The following CUL1 variants were observed in gnomAD, a reference collection of about 807,000 sequenced individuals.
CUL1 encodes cullin-1.
In CUL1, 24 loss-of-function variants were observed where a neutral mutation model predicts 118.0. That is an observed-to-expected ratio of 0.20 (90% CI 0.15 to 0.29). The LOEUF (loss-of-function observed/expected upper bound fraction) is 0.29. CUL1 is among the 10% of genes least tolerant of loss of function. The pLI, the probability that CUL1 is intolerant of heterozygous loss-of-function variation, is 1.00. For missense variants in CUL1, 361 were observed against 933.8 expected (o/e 0.39, Z 7.99); for synonymous variants, 332 against 340.4 (o/e 0.98, Z 0.27).
At chr7:148,708,680 G>GT (rs1317207309) in intron 1 of CUL1, among the ~76,000 whole-genome samples, 2 of 152,194 alleles carry the variant, frequency 1.3e-5, no homozygotes, top group African/African-American at 4.8e-5. Context: ...AAATCTAGCT[G>GT]TGTGTATCAT....
Position 148,787,260 on chromosome 7 carries a change from A to G in CUL1, c.1479+140A>G. Reference sequence around the variant, plus strand: ...GGCAGATCACGAGGTCAGGAGATCGAGACCATCCTGGCTAATATGGAGAAA... The same window carrying G: ...GGCAGATCACGAGGTCAGGAGATCGGGACCATCCTGGCTAATATGGAGAAA... On this transcript the variant is annotated intron_variant, in intron 13 of 21. Coordinates refer to ENST00000325222, the MANE Select transcript of CUL1 (RefSeq NM_003592.3). The surrounding 1 kb of genome is among the most constrained non-coding windows in gnomAD (Gnocchi z 5.5). 1 of 733,886 alleles carries G rather than the reference A, an allele frequency of 1.4e-6. No homozygotes were observed. Among genetic ancestry groups the G allele is most frequent in the Non-Finnish European group, 2.2e-6 (1 of 461,168 alleles). The allele number at this position is 733,886 out of a possible 1,614,324, so 45.5% of individuals were successfully genotyped here.
chr7:148,775,291 A>G (rs1172163824), intron 9 of CUL1, among the ~76,000 whole-genome samples: 1 of 152,206 alleles, frequency 6.6e-6, no homozygotes, highest in Non-Finnish European at 1.5e-5. Context: ...AAAATTAGCT[A>G]CAGAACCTTA....
intron 9 of CUL1, among the ~76,000 whole-genome samples, chr7:148,772,968 T>C (rs758586877): frequency 6.6e-6 from 1 of 152,024 alleles, no homozygotes; most frequent in Non-Finnish European, 1.5e-5. Context: ...TCTTACTGTT[T>C]TCTATGCATT....
chr7:148,773,618 G>C (rs13242508), intron 9 of CUL1, among the ~76,000 whole-genome samples: 1 of 152,154 alleles, frequency 6.6e-6, no homozygotes, highest in Non-Finnish European at 1.5e-5. Context: ...GTCTGCTGCA[G>C]GGCTGCCGTC....
intron 1 of CUL1, among the ~76,000 whole-genome samples, chr7:148,725,873 T>A (rs1391394867): frequency 6.6e-6 from 1 of 152,234 alleles, no homozygotes; most frequent in Non-Finnish European, 1.5e-5. Context: ...CACTTAAGTA[T>A]GAATTTTTGA....
chr7:148,776,141 C>CA (rs1234180915), intron 9 of CUL1, among the ~76,000 whole-genome samples: 1 of 148,486 alleles, frequency 6.7e-6, no homozygotes, highest in East Asian at 2.0e-4. Context: ...ACACCTCTAC[C>CA]GAGTGTTACT....
chr7:148,787,827 G>A lies in CUL1; in HGVS notation c.1479+707G>A, dbSNP rs539358600. ...GCCCTTCCTCTGCCACCTCCTTTGC[G>A]TGCCTGTGTGTCGGCGCTGTCGAGT... On this transcript the variant is annotated intron_variant, in intron 13 of 21. Coordinates refer to ENST00000325222, the MANE Select transcript of CUL1 (RefSeq NM_003592.3). This position sits in a 1 kb window ranked among gnomAD's most constrained non-coding sequence, Gnocchi z 5.5. Among the ~76,000 whole-genome samples, 2 of 152,176 alleles carry A rather than the reference G, an allele frequency of 1.3e-5. No homozygotes were observed. Among genetic ancestry groups the A allele is most frequent in the Admixed American group, 1.3e-4 (2 of 15,278 alleles).
intron 9 of CUL1, among the ~76,000 whole-genome samples, chr7:148,772,907 T>C (rs1563165245): frequency 6.6e-6 from 1 of 152,106 alleles, no homozygotes; most frequent in Non-Finnish European, 1.5e-5. Flanking sequence ...TGTCTCCTCC[T>C]CTGTCTTCTG....
chr7:148,775,150 T>TACA (rs1800355685), intron 9 of CUL1, among the ~76,000 whole-genome samples: 2 of 152,196 alleles, frequency 1.3e-5, no homozygotes, highest in Non-Finnish European at 2.9e-5. Context: ...TTCTGGTAGA[T>TACA]TTGAGTTTGG....
chr7:148,748,545 G>A (rs1799376024), intron 2 of CUL1, among the ~76,000 whole-genome samples: 1 of 152,238 alleles, frequency 6.6e-6, no homozygotes, highest in Admixed American at 6.5e-5. Flanking sequence ...AGAATTATAA[G>A]ATAAATTGAT....
At chr7:148,724,438 TGTGTGTGTCTGCACGC>T (rs1184271592) in intron 1 of CUL1, among the ~76,000 whole-genome samples, 1 of 152,206 alleles carries the variant, frequency 6.6e-6, no homozygotes, top group Non-Finnish European at 1.5e-5. Flanking sequence ...CTGTGGCGCG[TGTGTGTGTCTGCACGC>T]GTGTGTGTCT....
intron 1 of CUL1, among the ~76,000 whole-genome samples, chr7:148,729,698 G>A (rs112321267): frequency 3.3e-5 from 5 of 152,230 alleles, no homozygotes; most frequent in Admixed American, 6.5e-5. Context: ...GATAACTTCC[G>A]AAGGCAAAGG....
intron 1 of CUL1, among the ~76,000 whole-genome samples, chr7:148,699,752 C>A (rs999492349): frequency 6.6e-6 from 1 of 152,074 alleles, no homozygotes; most frequent in East Asian, 1.9e-4. Flanking sequence ...CCGGACAGAG[C>A]CCCCCGGCGC....
intron 1 of CUL1, among the ~76,000 whole-genome samples, chr7:148,715,404 A>G (rs774275109): frequency 2.9e-4 from 44 of 152,324 alleles, no homozygotes; most frequent in Non-Finnish European, 3.1e-4. Flanking sequence ...GGCACTTACC[A>G]CAGTCAGTGA....
intron 9 of CUL1, among the ~76,000 whole-genome samples, chr7:148,778,070 C>CAAAAAAAAAAAAAAAAAAAAAA (rs1203417069): frequency 8.7e-4 from 12 of 13,792 alleles, no homozygotes; most frequent in African/African-American, 1.6e-3. Flanking sequence ...GACCCTGTCT[C>CAAAAAAAAAAAAAAAAAAAAAA]AAAAAAAAAA....
chr7:148,737,847 C>T (rs1799011635), intron 2 of CUL1, among the ~76,000 whole-genome samples: 1 of 152,058 alleles, frequency 6.6e-6, no homozygotes, highest in African/African-American at 2.4e-5. Flanking sequence ...ATCTGTTCAC[C>T]TCGGCCTCCC....
Position 148,698,958 on chromosome 7 carries a change from T to A in CUL1, c.-233T>A. On this transcript the variant is annotated 5_prime_UTR_variant, in exon 1 of 22. Transcript: ENST00000325222. The stretch of plus-strand genomic sequence containing the variant: ...CAGCTAGACCTTGGCGGGACGGGGC[T>A]TTCGCCGGGGCCCAGGCCCAGGGAC... 1 of 153,488 alleles carries A rather than the reference T, an allele frequency of 6.5e-6. No homozygotes were observed. The highest frequency in any genetic ancestry group is 1.5e-5 in the Non-Finnish European group (1 of 68,670). 9.5% of individuals were successfully genotyped at this position (153,488 alleles called of 1,614,324 possible).
chr7:148,750,768 C>T (rs770131968), intron 2 of CUL1, among the ~76,000 whole-genome samples: 5 of 152,132 alleles, frequency 3.3e-5, no homozygotes, highest in Admixed American at 6.5e-5. Context: ...TTTGTTGAAA[C>T]GAGTGATCAC....
At chr7:148,708,246 C>T (rs1797947754) in intron 1 of CUL1, among the ~76,000 whole-genome samples, 1 of 152,202 alleles carries the variant, frequency 6.6e-6, no homozygotes, top group African/African-American at 2.4e-5. Context: ...TTGCATTTGA[C>T]TAACCTGGCC....
Sources: allele counts gnomAD v4.1 joint callset (sites outside exome capture counted in the v4.1 genomes callset), GRCh38; gene constraint gnomAD v4.1.1; non-coding constraint Gnocchi (gnomAD v3.1); transcripts MANE v1.5; gene names NCBI Gene and HGNC (gene_info 2026-07-23, HGNC 2026-07-21).